Variants in MACROD2 observed in about 807,000 individuals in gnomAD.
The protein encoded by MACROD2 is ADP-ribose glycohydrolase MACROD2.
A neutral mutation model predicts 70.4 loss-of-function variants in MACROD2; 36 were observed. That is an observed-to-expected ratio of 0.51 (90% CI 0.39 to 0.68). MACROD2 has a LOEUF of 0.68. MACROD2 is among the 30% of genes least tolerant of loss of function. The probability of loss-of-function intolerance (pLI) is 0.00; values close to 1 mark genes in which losing one functional copy is unlikely to be tolerated. For synonymous variants in MACROD2, 172 were observed against 178.8 expected (o/e 0.96, Z 0.30); for missense variants, 496 against 538.4 (o/e 0.92, Z 0.78).
chr20:14,974,195 C>T (rs969825409), intron 5 of MACROD2, among the ~76,000 whole-genome samples: 2 of 152,138 alleles, frequency 1.3e-5, no homozygotes. Context: ...TAGCGGATAG[C>T]GGAGTAGGGG....
intron 3 of MACROD2, among the ~76,000 whole-genome samples, chr20:14,105,704 C>T (rs1601229905): frequency 1.3e-5 from 2 of 152,178 alleles, no homozygotes; most frequent in Non-Finnish European, 2.9e-5. Context: ...CCTCTTCCAA[C>T]CCCAGACAGT....
intron 5 of MACROD2, among the ~76,000 whole-genome samples, chr20:14,962,079 G>A (rs76553741): frequency 0.016 from 2,418 of 152,238 alleles, 63 homozygotes; most frequent in African/African-American, 0.053. Context: ...CCAGTTTCAA[G>A]CAATCCTCCC....
At chr20:15,123,194 C>T (rs1204905535) in intron 5 of MACROD2, among the ~76,000 whole-genome samples, 1 of 152,154 alleles carries the variant, frequency 6.6e-6, no homozygotes, top group Admixed American at 6.6e-5. Flanking sequence ...TCCTGCTAGA[C>T]ATGGACAACA....
At chr20:14,764,354 T>C (rs1352074895) in intron 5 of MACROD2, among the ~76,000 whole-genome samples, 1 of 152,066 alleles carries the variant, frequency 6.6e-6, no homozygotes, top group Non-Finnish European at 1.5e-5. Context: ...TCTTGGTGAT[T>C]TGACATGCTT....
At chr20:15,820,884 G>A (rs991284793) in intron 8 of MACROD2, among the ~76,000 whole-genome samples, 1 of 152,140 alleles carries the variant, frequency 6.6e-6, no homozygotes, top group Non-Finnish European at 1.5e-5. Context: ...TTAGACTTCA[G>A]AGCCCCAAGT....
intron 6 of MACROD2, among the ~76,000 whole-genome samples, chr20:15,265,834 T>C (rs1404645646): frequency 6.6e-6 from 1 of 152,242 alleles, no homozygotes; most frequent in Non-Finnish European, 1.5e-5. Flanking sequence ...CAAAGGTTGA[T>C]TTCTGATTTC....
intron 2 of MACROD2, among the ~76,000 whole-genome samples, chr20:14,024,930 A>G (rs946823703): frequency 2.0e-5 from 3 of 152,172 alleles, no homozygotes; most frequent in Admixed American, 2.0e-4. Flanking sequence ...TGTTTGGAAT[A>G]GTTTCTGAAG....
intron 2 of MACROD2, among the ~76,000 whole-genome samples, chr20:14,038,737 A>G (rs947522880): frequency 6.6e-6 from 1 of 152,232 alleles, no homozygotes; most frequent in African/African-American, 2.4e-5. Context: ...GTTGTTGTAT[A>G]TAATAACTTT....
At chr20:14,764,975 G>T (rs2072067251) in intron 5 of MACROD2, among the ~76,000 whole-genome samples, 1 of 152,092 alleles carries the variant, frequency 6.6e-6, no homozygotes, top group Admixed American at 6.5e-5. Context: ...AGACGGCACT[G>T]TGCAAACAAT....
At chr20:15,982,776 G>T (rs1368477207) in intron 13 of MACROD2, among the ~76,000 whole-genome samples, 1 of 152,194 alleles carries the variant, frequency 6.6e-6, no homozygotes, top group Non-Finnish European at 1.5e-5. Flanking sequence ...TTAGCTAATG[G>T]TGTCCTTTGG....
At chr20:15,177,325 G>A (rs187714207) in intron 5 of MACROD2, among the ~76,000 whole-genome samples, 5 of 152,342 alleles carry the variant, frequency 3.3e-5, no homozygotes, top group East Asian at 3.9e-4. Flanking sequence ...GGTTGAATAC[G>A]CACTGGTCCA....
intron 5 of MACROD2, among the ~76,000 whole-genome samples, chr20:14,889,559 G>A (rs745708085): frequency 7.9e-5 from 12 of 152,096 alleles, no homozygotes; most frequent in Non-Finnish European, 1.5e-4. Context: ...AAGCAGATAT[G>A]CTGGGGAAAG....
At chr20:15,968,838 T>TATATATATAC (rs1417891284) in intron 13 of MACROD2, among the ~76,000 whole-genome samples, 1 of 113,838 alleles carries the variant, frequency 8.8e-6, no homozygotes, top group African/African-American at 3.3e-5. Context: ...TATATATATA[T>TATATATATAC]ACACACATAT....
chr20:14,627,270 C>G (rs1568708016), intron 4 of MACROD2, among the ~76,000 whole-genome samples: 1 of 152,178 alleles, frequency 6.6e-6, no homozygotes, highest in African/African-American at 2.4e-5. Flanking sequence ...AAAACTAATT[C>G]TCTCAATGGG....
At chr20:15,530,716 CAAAAAA>C (rs57826871) in intron 8 of MACROD2, among the ~76,000 whole-genome samples, 1 of 90,594 alleles carries the variant, frequency 1.1e-5, no homozygotes, top group Non-Finnish European at 2.4e-5. Flanking sequence ...CTCCATCTCA[CAAAAAA>C]AAAAAAAAAA....
intron 8 of MACROD2, among the ~76,000 whole-genome samples, chr20:15,524,921 T>G (rs1600533549): frequency 6.6e-6 from 1 of 152,246 alleles, no homozygotes; most frequent in Admixed American, 6.5e-5. Flanking sequence ...GAGGTTCTAC[T>G]GAATAGTCCA....
intron 5 of MACROD2, among the ~76,000 whole-genome samples, chr20:14,992,961 A>G (rs1814616084): frequency 6.6e-6 from 1 of 152,148 alleles, no homozygotes; most frequent in Non-Finnish European, 1.5e-5. Context: ...GACATTAACC[A>G]TCCTGTCTTA....
At chr20:14,444,620 T>G (rs1379242208) in intron 3 of MACROD2, among the ~76,000 whole-genome samples, 1 of 152,082 alleles carries the variant, frequency 6.6e-6, no homozygotes, top group Non-Finnish European at 1.5e-5. Flanking sequence ...GTATCTTTAG[T>G]GTGTGTGTCC....
Position 15,970,409 on chromosome 20 carries a change from G to A in MACROD2, c.985+2779G>A, listed in dbSNP as rs79911102. ...ACAATAATGGCATTTATTGGAATGA[G>A]GTAAATTAATTTTAAGTGTTCTAAT... On this transcript the variant is annotated intron_variant, in intron 13 of 17. Coordinates refer to ENST00000684519, the MANE Select transcript of MACROD2 (RefSeq NM_001351661.2). Among the ~76,000 whole-genome samples, 292 of 152,202 alleles carry A rather than the reference G, an allele frequency of 1.9e-3. 1 individual carries two copies. The highest frequency in any genetic ancestry group is 3.7e-3 in the Non-Finnish European group (251 of 67,996).
Sources: allele counts gnomAD v4.1 joint callset (sites outside exome capture counted in the v4.1 genomes callset), GRCh38; gene constraint gnomAD v4.1.1; transcripts MANE v1.5; gene names NCBI Gene and HGNC (gene_info 2026-07-23, HGNC 2026-07-21).